Variants in ST14 observed in about 807,000 individuals in gnomAD.
ST14 encodes the protein suppressor of tumorigenicity 14 protein.
ST14 carries 40 observed loss-of-function variants against 96.5 expected under a neutral mutation model. The ratio of observed to expected loss-of-function variants is 0.41; its 90% CI spans 0.32 to 0.54. ST14 has a LOEUF of 0.54. Among genes scored for constraint, ST14 ranks in the 20% least tolerant of loss-of-function variants. ST14 has a pLI of 0.17. For missense variants in ST14, 1,066 were observed against 1,188.9 expected, an observed-to-expected ratio of 0.90 and a Z score of 1.52; for synonymous variants, 506 against 492.1, an observed-to-expected ratio of 1.03 and a Z score of -0.37.
chr11:130,181,891 G>A lies in ST14; in HGVS notation c.82-6223G>A, dbSNP rs929705977. Among the ~76,000 whole-genome samples, 2 of 152,238 alleles carry A rather than the reference G, an allele frequency of 1.3e-5. No individual in the cohort carries two copies. The highest frequency in any genetic ancestry group is 4.8e-5 in the African/African-American group (2 of 41,472). ...TGGGTGGAGCCACAGAACTCACACT[G>A]CAGGGAGGACAGAGGACCCACCATT... On this transcript the variant is annotated intron_variant, in intron 1 of 18. Coordinates refer to ENST00000278742, the MANE Select transcript of ST14 (RefSeq NM_021978.4). This position sits in a 1 kb window ranked among gnomAD's most constrained non-coding sequence, Gnocchi z 4.1.
intron 1 of ST14, among the ~76,000 whole-genome samples, chr11:130,162,180 G>C (rs1193214805): frequency 1.3e-5 from 2 of 152,176 alleles, no homozygotes; most frequent in Non-Finnish European, 2.9e-5. Flanking sequence ...ATTTGTATCT[G>C]GCTGTCCCCT....
chr11:130,176,452 A>G (rs1344512872), intron 1 of ST14, among the ~76,000 whole-genome samples: 3 of 148,482 alleles, frequency 2.0e-5, no homozygotes, highest in Admixed American at 6.7e-5. Flanking sequence ...GCCGTGGCGC[A>G]ATCTCGGCTC....
intron 1 of ST14, among the ~76,000 whole-genome samples, chr11:130,182,435 G>A (rs1051832775): frequency 1.3e-5 from 2 of 150,958 alleles, no homozygotes; most frequent in African/African-American, 2.4e-5. Flanking sequence ...TCATCCTCCT[G>A]CCTCAACCTC....
chr11:130,179,286 T>C (rs1414809934), intron 1 of ST14, among the ~76,000 whole-genome samples: 2 of 152,218 alleles, frequency 1.3e-5, no homozygotes, highest in Admixed American at 6.5e-5. Flanking sequence ...TTGATTGTTA[T>C]TGTTCTTTTT....
chr11:130,197,946 G>A lies in ST14; in HGVS notation c.1459+1G>A. On this transcript the variant is annotated splice_donor_variant, in intron 12 of 18. Transcript: ENST00000278742. LOFTEE classifies it high-confidence loss of function. ...GACCACAGCGATGAGCTCAACTGCA[G>A]TGAGTCAGGCTGGGAGCCCCGGTCT... The A allele has an allele frequency of 6.3e-7, 1 of 1,577,716 alleles. No homozygotes were observed. The highest frequency in any genetic ancestry group is 8.6e-7 in the Non-Finnish European group (1 of 1,164,548).
chr11:130,190,817 A>G, intron 7 of ST14, 123 bp downstream of exon 7: 1 of 1,238,662 alleles, frequency 8.1e-7, no homozygotes, highest in East Asian at 2.6e-5. Flanking sequence ...CTAAACATCC[A>G]GGCAGCAGGA....
intron 4 of ST14, 143 bp from the exon 5 acceptor site, chr11:130,189,596 A>T: frequency 9.5e-7 from 1 of 1,057,924 alleles, no homozygotes; most frequent in Non-Finnish European, 1.4e-6. Context: ...AAGAGGGATG[A>T]CACAAGAGGA....
intron 1 of ST14, among the ~76,000 whole-genome samples, chr11:130,174,671 A>T (rs1953120451): frequency 6.6e-6 from 1 of 152,154 alleles, no homozygotes; most frequent in South Asian, 2.1e-4. Context: ...AAGACTGCAA[A>T]CAAACAGACA....
intron 1 of ST14, among the ~76,000 whole-genome samples, chr11:130,182,004 C>T (rs60745822): frequency 0.047 from 7,094 of 152,306 alleles, 178 homozygotes; most frequent in East Asian, 0.12. Flanking sequence ...TACCCCTTCT[C>T]ATGGGAGTCT....
intron 17 of ST14, 135 bp from the exon 18 acceptor site, chr11:130,209,307 C>T (rs1401142675): frequency 7.5e-6 from 9 of 1,195,296 alleles, no homozygotes; most frequent in South Asian, 1.3e-5. Flanking sequence ...TGAGTAGACG[C>T]GGATTACCCG....
At chr11:130,194,357 G>T in intron 8 of ST14, 69 bp downstream of exon 8, 2 of 1,600,236 alleles carry the variant, frequency 1.2e-6, no homozygotes, top group South Asian at 1.1e-5. Flanking sequence ...TAGTGGGGGT[G>T]ACCTGAGCTT....
intron 11 of ST14, 140 bp downstream of exon 11, chr11:130,196,840 G>A (rs1227368606): frequency 1.5e-6 from 2 of 1,325,112 alleles, no homozygotes; most frequent in African/African-American, 1.4e-5. Context: ...CCGTAGCTTT[G>A]GGAGGAAAAC....
At chr11:130,170,718 C>T (rs562396214) in intron 1 of ST14, among the ~76,000 whole-genome samples, 8 of 152,092 alleles carry the variant, frequency 5.3e-5, no homozygotes, top group African/African-American at 1.7e-4. Context: ...GAGCCAACGT[C>T]AGAGTTGAGG....
intron 1 of ST14, among the ~76,000 whole-genome samples, chr11:130,178,046 G>A (rs766120737): frequency 5.3e-5 from 8 of 152,348 alleles, no homozygotes; most frequent in South Asian, 2.1e-4. Context: ...TGTTCACTCC[G>A]TAGTCAGAGC....
intron 15 of ST14, among the ~76,000 whole-genome samples, chr11:130,199,478 G>T (rs1287291051): frequency 6.6e-6 from 1 of 152,212 alleles, no homozygotes; most frequent in East Asian, 1.9e-4. Flanking sequence ...GCGTTGGCTG[G>T]CCACAGGTTA....
rs193118730 is a variant in ST14, at chr11:130,200,350, G to A, written c.1994+213G>A. On this transcript the variant is annotated intron_variant, in intron 16 of 18. Transcript: ENST00000278742. ...TGGTTCTGCAGGCTGTATAGGAAGC[G>A]TGGTGCCAGCCTCTGCTTCTGGTGA... Among the ~76,000 whole-genome samples the A allele has an allele frequency of 5.2e-3, 788 of 152,294 alleles. 10 individuals carry two copies. The highest frequency in any genetic ancestry group is 0.018 in the African/African-American group (758 of 41,562).
chr11:130,166,518 C>T (rs1953042993), intron 1 of ST14, among the ~76,000 whole-genome samples: 1 of 152,216 alleles, frequency 6.6e-6, no homozygotes, highest in Non-Finnish European at 1.5e-5. Context: ...TATTTAGTAA[C>T]AGCTCAGATG....
At chr11:130,169,092 GTTTT>G (rs59747710) in intron 1 of ST14, among the ~76,000 whole-genome samples, 72 of 112,314 alleles carry the variant, frequency 6.4e-4, no homozygotes, top group African/African-American at 2.9e-3. Flanking sequence ...AATATAATGG[GTTTT>G]TTTTTTTTTT....
At chr11:130,165,609 T>C (rs994701675) in intron 1 of ST14, among the ~76,000 whole-genome samples, 6 of 152,206 alleles carry the variant, frequency 3.9e-5, no homozygotes, top group Admixed American at 1.3e-4. Flanking sequence ...CTTGGATCCT[T>C]TGACTCTTTT....
Sources: gnomAD v4.1 joint callset for allele counts (sites outside exome capture counted in the v4.1 genomes callset) on GRCh38, gnomAD v4.1.1 for gene constraint, Gnocchi (gnomAD v3.1) non-coding constraint, MANE v1.5 for transcripts, NCBI Gene and HGNC (gene_info 2026-07-23, HGNC 2026-07-21) for gene names.